IL36B: variants seen among roughly 807,000 people sequenced by gnomAD.
IL36B encodes the protein interleukin-36 beta.
A neutral mutation model predicts 19.3 loss-of-function variants in IL36B; 23 were observed. The observed-to-expected ratio is 1.19, with a 90% CI of 0.86 to 1.69. The LOEUF is 1.69. Ranked by LOEUF, IL36B falls within the 40% of genes most tolerant of loss-of-function variation. IL36B has a pLI of 0.00. For missense variants in IL36B, 217 were observed against 200.5 expected, an observed-to-expected ratio of 1.08 and a Z score of -0.50; for synonymous variants, 59 against 59.7, an observed-to-expected ratio of 0.99 and a Z score of 0.05.
At chr2:113,045,775 C>T (rs909235757) in intron 1 of IL36B, among the ~76,000 whole-genome samples, 1 of 152,182 alleles carries the variant, frequency 6.6e-6, no homozygotes, top group Non-Finnish European at 1.5e-5. Flanking sequence ...TCATTCCAGA[C>T]ATGGCAGTTT....
intron 1 of IL36B, among the ~76,000 whole-genome samples, chr2:113,039,631 A>G (rs1239554240): frequency 6.6e-6 from 1 of 152,248 alleles, no homozygotes; most frequent in East Asian, 1.9e-4. Flanking sequence ...CATAAAGGGA[A>G]GGAGAAACAG....
At chr2:113,042,496 G>C (rs563352422) in intron 1 of IL36B, among the ~76,000 whole-genome samples, 1 of 152,086 alleles carries the variant, frequency 6.6e-6, no homozygotes, top group East Asian at 1.9e-4. Flanking sequence ...CCCATCCCCC[G>C]TCCTATTCAC....
chr2:113,033,476 CA>C (rs1685115691), intron 1 of IL36B, among the ~76,000 whole-genome samples: 1 of 152,112 alleles, frequency 6.6e-6, no homozygotes, highest in African/African-American at 2.4e-5. Context: ...TGAGCTCAGG[CA>C]GTCCACCCGC....
At chr2:113,022,842 G>C (rs1045825575) in intron 5 of IL36B, 89 of 1,094,144 alleles carry the variant, frequency 8.1e-5, no homozygotes, top group Non-Finnish European at 1.1e-4. Context: ...ACCACCAATT[G>C]AATAGGGGCT....
chr2:113,050,198 G>A (rs1362698587), intron 1 of IL36B, among the ~76,000 whole-genome samples: 5 of 152,172 alleles, frequency 3.3e-5, no homozygotes, highest in Admixed American at 2.6e-4. Context: ...AAAAGGTGAT[G>A]GCAACCCAAG....
intron 5 of IL36B, among the ~76,000 whole-genome samples, chr2:113,024,169 C>T (rs1243430327): frequency 6.6e-6 from 1 of 152,146 alleles, no homozygotes; most frequent in Admixed American, 6.5e-5. Context: ...CTCTACCACC[C>T]TGTGAAAAAC....
intron 1 of IL36B, among the ~76,000 whole-genome samples, chr2:113,037,103 T>C (rs1400800422): frequency 1.3e-5 from 2 of 152,244 alleles, no homozygotes; most frequent in African/African-American, 2.4e-5. Flanking sequence ...CCGCTCCCTC[T>C]GTACCTTCCC....
intron 1 of IL36B, among the ~76,000 whole-genome samples, chr2:113,044,476 A>G (rs1447472684): frequency 6.6e-6 from 1 of 152,060 alleles, no homozygotes; most frequent in African/African-American, 2.4e-5. Flanking sequence ...TATTTTTTGT[A>G]AAGACAAGGT....
chr2:113,027,558 T>C, intron 4 of IL36B: 1 of 1,083,804 alleles, frequency 9.2e-7, no homozygotes, highest in South Asian at 3.3e-5. Context: ...TGAATCCACA[T>C]CTCTACATCA....
At chr2:113,025,653 T>A (rs6744288) in intron 5 of IL36B, among the ~76,000 whole-genome samples, 73,652 of 151,944 alleles carry the variant, frequency 0.48, 20,098 homozygotes, top group East Asian at 0.7. Flanking sequence ...GATGTTGCCT[T>A]CGGTTGGGAA....
In IL36B at chr2:113,027,985, G is replaced by A. The variant is rs1305087791; in HGVS notation, c.261+954C>T. Reference sequence around the variant, plus strand: ...GAGAAAGATGGGCTGTCCTGATGTGGTGGAGGTGGCTATGAACCAGCCAGG... The same window carrying A: ...GAGAAAGATGGGCTGTCCTGATGTGATGGAGGTGGCTATGAACCAGCCAGG... On this transcript the variant is annotated intron_variant, in intron 4 of 5. Coordinates refer to ENST00000259213, the MANE Select transcript of IL36B (RefSeq NM_014438.5). 4 of 1,614,052 alleles carry A rather than the reference G, an allele frequency of 2.5e-6. No homozygotes were observed. In the East Asian group the frequency reaches 8.9e-5, roughly 36 times the overall value.
chr2:113,050,358 AT>A (rs1173695214), intron 1 of IL36B, among the ~76,000 whole-genome samples: 2 of 149,682 alleles, frequency 1.3e-5, no homozygotes, highest in African/African-American at 2.5e-5. Flanking sequence ...AAAAAAAAAA[AT>A]ACCGTGTAAT....
chr2:113,023,851 G>A (rs185686722), intron 5 of IL36B, among the ~76,000 whole-genome samples: 315 of 152,194 alleles, frequency 2.1e-3, no homozygotes, highest in African/African-American at 7.0e-3. Context: ...TTGATAACCC[G>A]TGTTGTTTTC....
chr2:113,022,635 T>C lies in IL36B; in HGVS notation c.*39A>G. 1 of 1,306,644 alleles carries C rather than the reference T, an allele frequency of 7.7e-7. No individual in the cohort carries two copies. The highest frequency in any genetic ancestry group is 1.2e-5 in the South Asian group (1 of 84,446). 80.9% of individuals were successfully genotyped at this position (1,306,644 alleles called of 1,614,324 possible). ...AGCATTTCATTGATAGCAAACCCAC[T>C]CAAAGATTGTAGAGATGGGAATCTT... is the stretch of plus-strand genomic sequence containing the variant. On this transcript the variant is annotated 3_prime_UTR_variant, in exon 6 of 6. Coordinates refer to ENST00000259213, the MANE Select transcript of IL36B (RefSeq NM_014438.5).
At chr2:113,033,636 A>G (rs1685118258) in intron 1 of IL36B, among the ~76,000 whole-genome samples, 1 of 152,214 alleles carries the variant, frequency 6.6e-6, no homozygotes, top group Non-Finnish European at 1.5e-5. Context: ...TACAGCTACT[A>G]AGAAATCTAG....
At chr2:113,032,231 A>G (rs1685090262) in intron 1 of IL36B, among the ~76,000 whole-genome samples, 1 of 151,804 alleles carries the variant, frequency 6.6e-6, no homozygotes, top group South Asian at 2.1e-4. Flanking sequence ...TTGAAGCTGA[A>G]CACTCCTAAG....
At chr2:113,028,262 A>T in intron 4 of IL36B, 147 bp from the exon 5 acceptor site, 1 of 661,430 alleles carries the variant, frequency 1.5e-6, no homozygotes, top group Non-Finnish European at 2.6e-6. Flanking sequence ...GCAGGGCATT[A>T]GAGTGTTAAA....
intron 5 of IL36B, among the ~76,000 whole-genome samples, chr2:113,025,864 G>A (rs921941270): frequency 2.0e-5 from 3 of 152,188 alleles, no homozygotes; most frequent in African/African-American, 7.2e-5. Context: ...CCAGAAAGCA[G>A]AGACTGAGAC....
In IL36B at chr2:113,031,117, G is replaced by A. The variant is rs144991866; in HGVS notation, c.52C>T (p.Arg18Ter). 377 of 1,614,004 alleles carry A rather than the reference G, an allele frequency of 2.3e-4. No individual in the cohort carries two copies. Among genetic ancestry groups the A allele is most frequent in the Non-Finnish European group, 3.0e-4 (358 of 1,179,962 alleles). Residue 18 changes from arginine to a stop codon, truncating the protein, a stop_gained, in exon 3 of 6, where the codon CGA becomes TGA. Coordinates refer to ENST00000259213, the MANE Select transcript of IL36B (RefSeq NM_014438.5). LOFTEE classifies it high-confidence loss of function. ...CCACTCAGGACCCACACCATCTGTC[G>A]AGAATCACGAATAGCATAGGATTTG...
Sources: gnomAD v4.1 joint callset for allele counts (sites outside exome capture counted in the v4.1 genomes callset) on GRCh38, gnomAD v4.1.1 for gene constraint, MANE v1.5 for transcripts, NCBI Gene and HGNC (gene_info 2026-07-23, HGNC 2026-07-21) for gene names.